Variants in PIK3R3 observed in about 807,000 individuals in gnomAD.
PIK3R3 encodes phosphoinositide-3-kinase regulatory subunit 3.
In PIK3R3, 64 loss-of-function variants were observed where a neutral mutation model predicts 62.9. The ratio of observed to expected loss-of-function variants is 1.02; its 90% CI spans 0.83 to 1.25. The LOEUF (loss-of-function observed/expected upper bound fraction) is 1.25, where lower values mean the gene tolerates loss of function less well. Ranked by LOEUF, PIK3R3 falls within the 50% of genes most tolerant of loss-of-function variation. The pLI is 0.00. For synonymous variants in PIK3R3, 165 were observed against 189.0 expected, an observed-to-expected ratio of 0.87 and a Z score of 1.04; for missense variants, 614 against 561.6, an observed-to-expected ratio of 1.09 and a Z score of -0.94.
intron 2 of PIK3R3, among the ~76,000 whole-genome samples, chr1:46,078,531 G>C (rs1443052194): frequency 6.6e-6 from 1 of 152,052 alleles, no homozygotes; most frequent in Non-Finnish European, 1.5e-5. Context: ...GACTGAACGA[G>C]ACTCTATCTC....
the PIK3R3 span, among the ~76,000 whole-genome samples, chr1:46,143,185 A>C: frequency 6.6e-6 from 1 of 152,102 alleles, no homozygotes; most frequent in Non-Finnish European, 1.5e-5. Flanking sequence ...CGTGTGATTC[A>C]TTCATTTCCA....
chr1:46,113,593 G>A (rs537566861), intron 1 of PIK3R3, among the ~76,000 whole-genome samples: 2 of 152,164 alleles, frequency 1.3e-5, no homozygotes, highest in African/African-American at 4.8e-5. Context: ...CGCAGGCCAC[G>A]TCCTATCTCA....
At chr1:46,102,831 A>C (rs67415531) in intron 1 of PIK3R3, among the ~76,000 whole-genome samples, 1 of 107,430 alleles carries the variant, frequency 9.3e-6, no homozygotes, top group African/African-American at 3.7e-5. Context: ...AAAAAAAAAA[A>C]CCTGAAAGCA....
intron 1 of PIK3R3, among the ~76,000 whole-genome samples, chr1:46,104,433 G>A (rs1652994227): frequency 6.6e-6 from 1 of 152,034 alleles, no homozygotes; most frequent in South Asian, 2.1e-4. Context: ...TCTTTTCATA[G>A]CTCACTAAAT....
chr1:46,147,505 C>T, the PIK3R3 span, among the ~76,000 whole-genome samples: 1 of 152,108 alleles, frequency 6.6e-6, no homozygotes, highest in South Asian at 2.1e-4. Flanking sequence ...ACAAGCTCTG[C>T]CTCCCGAGTG....
At chr1:46,073,115 G>A (rs1649700722) in intron 3 of PIK3R3, among the ~76,000 whole-genome samples, 1 of 152,124 alleles carries the variant, frequency 6.6e-6, no homozygotes, top group Non-Finnish European at 1.5e-5. Flanking sequence ...TGGGAAGGGA[G>A]AAGAAAATAG....
At chr1:46,140,834 T>C in the PIK3R3 span, among the ~76,000 whole-genome samples, 1 of 151,842 alleles carries the variant, frequency 6.6e-6, no homozygotes. Context: ...TTTTGTTCTT[T>C]GTTTTTTGTT....
the PIK3R3 span, among the ~76,000 whole-genome samples, chr1:46,152,560 CTTTT>C: frequency 8.0e-6 from 1 of 124,486 alleles, no homozygotes; most frequent in Non-Finnish European, 1.6e-5. Context: ...TGATTAACAT[CTTTT>C]TTTTTTTTTT....
chr1:46,140,077 C>T, the PIK3R3 span, among the ~76,000 whole-genome samples: 1 of 152,208 alleles, frequency 6.6e-6, no homozygotes, highest in Non-Finnish European at 1.5e-5. Flanking sequence ...CAGCCTTGAC[C>T]TCCTGGGCTC....
intron 7 of PIK3R3, among the ~76,000 whole-genome samples, chr1:46,049,568 T>A (rs1488025909): frequency 6.6e-6 from 1 of 152,218 alleles, no homozygotes; most frequent in East Asian, 1.9e-4. Context: ...GAGATTACTG[T>A]GAAGGACACC....
At chr1:46,109,962 T>C (rs1653584569) in intron 1 of PIK3R3, among the ~76,000 whole-genome samples, 1 of 152,182 alleles carries the variant, frequency 6.6e-6, no homozygotes, top group South Asian at 2.1e-4. Context: ...AAGCTCATTT[T>C]CCTATTACTT....
Position 46,044,601 on chromosome 1 carries a change from T to C in PIK3R3, c.1188-730A>G, listed in dbSNP as rs1293755480. On this transcript the variant is annotated intron_variant, in intron 9 of 9. Transcript: ENST00000262741. This position sits in a 1 kb window ranked among gnomAD's most constrained non-coding sequence, Gnocchi z 4.2. ...GGAGAAATGAAATGTTGCAAGTAGT[T>C]CTATCCTTGGATAACAGTAATCCAA... Among the ~76,000 whole-genome samples, 1 of 152,216 alleles carries C rather than the reference T, an allele frequency of 6.6e-6. No homozygotes were observed. Among genetic ancestry groups the C allele is most frequent in the Non-Finnish European group, 1.5e-5 (1 of 68,044 alleles).
chr1:46,091,456 A>T (rs1233784997), intron 1 of PIK3R3, among the ~76,000 whole-genome samples: 1 of 141,462 alleles, frequency 7.1e-6, no homozygotes, highest in African/African-American at 2.6e-5. Context: ...TTACATTTTT[A>T]AATGGTTATA....
intron 3 of PIK3R3, among the ~76,000 whole-genome samples, chr1:46,073,683 G>C (rs1283233720): frequency 1.3e-5 from 2 of 151,800 alleles, no homozygotes; most frequent in African/African-American, 4.8e-5. Flanking sequence ...GCAGTGGCGC[G>C]ATCTTGGCTC....
At chr1:46,064,685 A>G (rs1253135520) in intron 5 of PIK3R3, among the ~76,000 whole-genome samples, 1 of 152,178 alleles carries the variant, frequency 6.6e-6, no homozygotes, top group African/African-American at 2.4e-5. Context: ...TTAAAAACAC[A>G]AGGGGCAAAA....
intron 3 of PIK3R3, 83 bp from the exon 4 acceptor site, chr1:46,067,174 T>C (rs1649083641): frequency 1.9e-6 from 2 of 1,032,980 alleles, no homozygotes; most frequent in Non-Finnish European, 1.4e-6. Flanking sequence ...ACGTGAAAGC[T>C]TGGTGTCACA....
At chr1:46,136,463 C>CCAAAT (rs1655935710), upstream of PIK3R3, among the ~76,000 whole-genome samples, 3 of 152,088 alleles carry the variant, frequency 2.0e-5, no homozygotes, top group African/African-American at 7.2e-5. Context: ...TCCATTTTTT[C>CCAAAT]CAAATGGTAT....
intron 1 of PIK3R3, among the ~76,000 whole-genome samples, chr1:46,081,620 C>T (rs1258604801): frequency 6.6e-6 from 1 of 152,166 alleles, no homozygotes; most frequent in Non-Finnish European, 1.5e-5. Flanking sequence ...AGCAATGAAA[C>T]TGGTCCCTGG....
intron 2 of PIK3R3, among the ~76,000 whole-genome samples, chr1:46,079,599 T>A (rs115564991): frequency 0.011 from 1,619 of 152,332 alleles, 12 homozygotes; most frequent in Middle Eastern, 0.027. Flanking sequence ...AATGTCTACA[T>A]GTCACTTATT....
Sources: allele counts gnomAD v4.1 joint callset (sites outside exome capture counted in the v4.1 genomes callset), GRCh38; gene constraint gnomAD v4.1.1; non-coding constraint Gnocchi (gnomAD v3.1); transcripts MANE v1.5; gene names NCBI Gene and HGNC (gene_info 2026-07-23, HGNC 2026-07-21).